The following NAALADL2 variants were observed in gnomAD, a reference collection of about 807,000 sequenced individuals.
NAALADL2 encodes the protein N-acetylated alpha-linked acidic dipeptidase like 2, also known as inactive N-acetylated-alpha-linked acidic dipeptidase-like protein 2.
A neutral mutation model predicts 87.2 loss-of-function variants in NAALADL2; 76 were observed. That is an observed-to-expected ratio of 0.87 (90% CI 0.72 to 1.05). NAALADL2 has a LOEUF of 1.05. Among genes scored for constraint, NAALADL2 ranks in the 50% least tolerant of loss-of-function variants. The pLI is 0.00. For synonymous variants in NAALADL2, 354 were observed against 331.0 expected (o/e 1.07, Z -0.75); for missense variants, 1,089 against 945.8 (o/e 1.15, Z -1.99).
At chr3:175,048,569 A>T in intron 1 of NAALADL2, among the ~76,000 whole-genome samples, 1 of 149,606 alleles carries the variant, frequency 6.7e-6, no homozygotes, top group African/African-American at 2.5e-5. Context: ...AGGAAAGGAG[A>T]TTATTGTTCT....
At chr3:174,674,866 G>T (rs1252113527) in intron 2 of NAALADL2, among the ~76,000 whole-genome samples, 1 of 151,884 alleles carries the variant, frequency 6.6e-6, no homozygotes, top group African/African-American at 2.4e-5. Context: ...TTTTAAACCA[G>T]TCAAACCATT....
rs190968037 is a variant in NAALADL2, at chr3:175,564,539, T to G, written c.1654-11502T>G. 4.6e-3 allele frequency among the ~76,000 whole-genome samples: 703 copies of G among 152,306 alleles called. 7 individuals carry two copies. The highest frequency in any genetic ancestry group is 0.016 in the African/African-American group (682 of 41,566). On this transcript the variant is annotated intron_variant, in intron 9 of 13. Coordinates refer to ENST00000454872, the MANE Select transcript of NAALADL2 (RefSeq NM_207015.3). Reference sequence around the variant, plus strand: ...ATATTATTTAAAATAGCATTGCCTGTGAGCCTAAGAGAAGCTATTTAAGAT... The same window carrying G: ...ATATTATTTAAAATAGCATTGCCTGGGAGCCTAAGAGAAGCTATTTAAGAT...
chr3:174,568,375 A>G (rs1164646500), intron 2 of NAALADL2, among the ~76,000 whole-genome samples: 2 of 151,844 alleles, frequency 1.3e-5, no homozygotes, highest in African/African-American at 2.4e-5. Flanking sequence ...GTTATTTCTG[A>G]ATCTGTTTCA....
chr3:175,323,660 GAA>G (rs61581126), intron 4 of NAALADL2, among the ~76,000 whole-genome samples: 3 of 142,044 alleles, frequency 2.1e-5, no homozygotes, highest in South Asian at 2.2e-4. Context: ...AAAACCGGAG[GAA>G]AAAAAAAAAG....
chr3:174,445,768 A>G (rs963421601), intron 1 of NAALADL2, among the ~76,000 whole-genome samples: 1 of 152,104 alleles, frequency 6.6e-6, no homozygotes. Context: ...TGTGTTTTCT[A>G]TTTGTGTAAC....
At chr3:174,651,046 C>A (rs1458622219) in intron 2 of NAALADL2, among the ~76,000 whole-genome samples, 5 of 151,952 alleles carry the variant, frequency 3.3e-5, no homozygotes, top group African/African-American at 1.2e-4. Context: ...AAAAATGATA[C>A]CCTTCTACCT....
intron 3 of NAALADL2, among the ~76,000 whole-genome samples, chr3:174,797,319 T>A (rs1346956934): frequency 7.6e-6 from 1 of 132,048 alleles, no homozygotes; most frequent in Non-Finnish European, 1.6e-5. Flanking sequence ...TTTTTTTTTT[T>A]TTTTTTTTTT....
At chr3:175,183,503 A>G (rs1736902972) in intron 2 of NAALADL2, among the ~76,000 whole-genome samples, 1 of 152,072 alleles carries the variant, frequency 6.6e-6, no homozygotes, top group African/African-American at 2.4e-5. Flanking sequence ...GTGTTAAGGT[A>G]TATACCTTCT....
chr3:174,696,804 A>T (rs1402864417), intron 2 of NAALADL2, among the ~76,000 whole-genome samples: 2 of 152,050 alleles, frequency 1.3e-5, no homozygotes, highest in Non-Finnish European at 2.9e-5. Context: ...CAGTTCATTA[A>T]AAATAATATT....
At chr3:175,398,704 C>T (rs1001364603) in intron 5 of NAALADL2, among the ~76,000 whole-genome samples, 1 of 151,958 alleles carries the variant, frequency 6.6e-6, no homozygotes, top group Non-Finnish European at 1.5e-5. Flanking sequence ...GGAATTACAT[C>T]GTTGTTTTAT....
At chr3:175,389,319 G>A (rs1768797814) in intron 5 of NAALADL2, among the ~76,000 whole-genome samples, 1 of 152,052 alleles carries the variant, frequency 6.6e-6, no homozygotes, top group African/African-American at 2.4e-5. Context: ...ACGCCACCTG[G>A]CAGAATTTAC....
intron 2 of NAALADL2, among the ~76,000 whole-genome samples, chr3:174,673,673 G>A (rs1414841166): frequency 6.7e-6 from 1 of 149,804 alleles, no homozygotes; most frequent in African/African-American, 2.5e-5. Context: ...AGAGGATGAA[G>A]AAGGCTTGGT....
chr3:175,508,774 A>C (rs1358363918), intron 9 of NAALADL2, among the ~76,000 whole-genome samples: 3 of 152,046 alleles, frequency 2.0e-5, no homozygotes, highest in Non-Finnish European at 2.9e-5. Context: ...TTTTGGGTCT[A>C]TTATTTCTCA....
At chr3:175,307,194 C>A (rs1395244746) in intron 4 of NAALADL2, among the ~76,000 whole-genome samples, 4 of 151,574 alleles carry the variant, frequency 2.6e-5, no homozygotes, top group Admixed American at 2.0e-4. Context: ...AAAAAATATA[C>A]AAATAAGAAA....
intron 1 of NAALADL2, among the ~76,000 whole-genome samples, chr3:174,953,346 C>G (rs1255093186): frequency 1.7e-5 from 2 of 117,204 alleles, no homozygotes; most frequent in Non-Finnish European, 3.5e-5. Flanking sequence ...CTCCCCTCCC[C>G]TCCTCTTTCC....
chr3:174,649,567 G>A (rs1262341488), intron 2 of NAALADL2, among the ~76,000 whole-genome samples: 1 of 151,750 alleles, frequency 6.6e-6, no homozygotes, highest in Non-Finnish European at 1.5e-5. Flanking sequence ...TGATTTCTAA[G>A]ACTATGTATC....
chr3:174,817,655 G>C (rs1252060137), intron 3 of NAALADL2, among the ~76,000 whole-genome samples: 1 of 152,036 alleles, frequency 6.6e-6, no homozygotes, highest in African/African-American at 2.4e-5. Context: ...TAAAAATTGG[G>C]GGGAGTGCAT....
intron 12 of NAALADL2, among the ~76,000 whole-genome samples, chr3:175,747,745 A>G (rs1746112930): frequency 6.6e-6 from 1 of 152,192 alleles, no homozygotes; most frequent in Admixed American, 6.5e-5. Context: ...AATGATAAGA[A>G]TAAACTCCAC....
intron 4 of NAALADL2, among the ~76,000 whole-genome samples, chr3:175,279,834 G>T (rs908159063): frequency 6.7e-6 from 1 of 149,854 alleles, no homozygotes; most frequent in African/African-American, 2.4e-5. Context: ...TATTAATAAA[G>T]ATGTAAACTG....
Sources: allele counts gnomAD v4.1 joint callset (sites outside exome capture counted in the v4.1 genomes callset), GRCh38; gene constraint gnomAD v4.1.1; transcripts MANE v1.5; gene names NCBI Gene and HGNC (gene_info 2026-07-23, HGNC 2026-07-21).